SPATA16: variants seen among roughly 807,000 people sequenced by gnomAD.
SPATA16 encodes the protein spermatogenesis associated 16.
SPATA16 carries 36 observed loss-of-function variants against 63.3 expected under a neutral mutation model. That is an observed-to-expected ratio of 0.57 (90% CI 0.44 to 0.75). The LOEUF is 0.75. Among genes scored for constraint, SPATA16 ranks in the 30% least tolerant of loss-of-function variants. The pLI is 0.00. For missense variants in SPATA16, 646 were observed against 679.3 expected (o/e 0.95, Z 0.54); for synonymous variants, 203 against 216.7 (o/e 0.94, Z 0.56).
intron 4 of SPATA16, among the ~76,000 whole-genome samples, chr3:173,016,040 T>G (rs1735179428): frequency 6.6e-6 from 1 of 152,216 alleles, no homozygotes; most frequent in African/African-American, 2.4e-5. Flanking sequence ...AGGTGGCTTG[T>G]TCTTGGTAAC....
At chr3:173,041,497 A>G (rs1735839837) in intron 3 of SPATA16, among the ~76,000 whole-genome samples, 1 of 152,204 alleles carries the variant, frequency 6.6e-6, no homozygotes. Flanking sequence ...CCAAAGCAAG[A>G]CATTGTGAGG....
intron 3 of SPATA16, among the ~76,000 whole-genome samples, chr3:173,034,093 G>A (rs1038669827): frequency 2.6e-5 from 4 of 152,048 alleles, no homozygotes; most frequent in Admixed American, 1.3e-4. Flanking sequence ...TGATTCATTC[G>A]GCAATAATTT....
chr3:172,921,810 A>G (rs1307273577), intron 8 of SPATA16, among the ~76,000 whole-genome samples: 1 of 152,228 alleles, frequency 6.6e-6, no homozygotes, highest in Non-Finnish European at 1.5e-5. Context: ...GGCAGTTATC[A>G]GCCTATTTTA....
At chr3:172,982,495 C>A (rs1577117883) in intron 4 of SPATA16, among the ~76,000 whole-genome samples, 1 of 152,104 alleles carries the variant, frequency 6.6e-6, no homozygotes, top group Admixed American at 6.5e-5. Context: ...TGCTTCCCTG[C>A]AAGGAAATGT....
chr3:172,964,025 CACAA>C (rs537351949), intron 5 of SPATA16, among the ~76,000 whole-genome samples: 25 of 152,112 alleles, frequency 1.6e-4, no homozygotes, highest in Non-Finnish European at 2.8e-4. Context: ...TTGACTCTAG[CACAA>C]ACAGAGAAAC....
chr3:173,054,963 A>G (rs1405877302), intron 2 of SPATA16, among the ~76,000 whole-genome samples: 1 of 152,198 alleles, frequency 6.6e-6, no homozygotes, highest in Non-Finnish European at 1.5e-5. Flanking sequence ...AAAAACCCCA[A>G]AATAATCTAA....
chr3:173,104,991 T>A (rs1157822620), intron 2 of SPATA16, among the ~76,000 whole-genome samples: 1 of 152,208 alleles, frequency 6.6e-6, no homozygotes, highest in Non-Finnish European at 1.5e-5. Flanking sequence ...TTAATTTTGC[T>A]TCTGGAAGTT....
At chr3:172,890,378 AG>A (rs1299561597) in intron 10 of SPATA16, among the ~76,000 whole-genome samples, 1 of 152,194 alleles carries the variant, frequency 6.6e-6, no homozygotes, top group South Asian at 2.1e-4. Context: ...ATAGAATAAA[AG>A]TTTACACATA....
chr3:172,911,513 T>A (rs1192075391), intron 10 of SPATA16, among the ~76,000 whole-genome samples: 3 of 152,258 alleles, frequency 2.0e-5, no homozygotes. Context: ...CTTCTTCAGT[T>A]ACCTAATTAA....
intron 3 of SPATA16, among the ~76,000 whole-genome samples, chr3:173,035,500 G>A (rs1735697373): frequency 6.6e-6 from 1 of 152,068 alleles, no homozygotes. Context: ...CTTGGCTAAA[G>A]CAATAAATTG....
chr3:173,019,545 C>A lies in SPATA16; in HGVS notation c.789G>T (p.Arg263=). 1.2e-6 allele frequency: 2 copies of A among 1,613,998 alleles called. No homozygotes were observed. Among genetic ancestry groups the A allele is most frequent in the South Asian group, 1.1e-5 (1 of 91,068 alleles). ...ACACTGTTGCTTGACGAAGATGATTCCGGAAATAGGCTGGGTTTAAAACAA... is the reference window on the plus strand; with the variant it reads ...ACACTGTTGCTTGACGAAGATGATTACGGAAATAGGCTGGGTTTAAAACAA... ...RSIVLNPAYF[R]NHLRQATVFR... is the part of the protein sequence containing the mutation. The change falls in exon 4 of 11, where the codon CGG becomes CGT. Residue 263 remains arginine (R), a synonymous_variant. Coordinates refer to ENST00000351008, the MANE Select transcript of SPATA16 (RefSeq NM_031955.6).
At chr3:172,976,865 G>A in intron 5 of SPATA16, 103 bp downstream of exon 5, 2 of 885,106 alleles carry the variant, frequency 2.3e-6, no homozygotes, top group Non-Finnish European at 3.7e-6. Flanking sequence ...TGATTGATAT[G>A]CCCAGAGCTA....
chr3:173,097,785 T>C (rs1737393925), intron 2 of SPATA16, among the ~76,000 whole-genome samples: 1 of 152,214 alleles, frequency 6.6e-6, no homozygotes, highest in Non-Finnish European at 1.5e-5. Flanking sequence ...TTGCTCTACT[T>C]CCAGCAGAGT....
At chr3:173,059,507 GCTTTA>G (rs1434417565) in intron 2 of SPATA16, among the ~76,000 whole-genome samples, 5 of 150,678 alleles carry the variant, frequency 3.3e-5, no homozygotes, top group Admixed American at 2.6e-4. Flanking sequence ...ATGCTTCTTT[GCTTTA>G]CTTAGGAAAA....
intron 4 of SPATA16, among the ~76,000 whole-genome samples, chr3:173,005,716 G>GT (rs1206940983): frequency 6.6e-6 from 1 of 152,120 alleles, no homozygotes; most frequent in African/African-American, 2.4e-5. Flanking sequence ...GTCAATCAAT[G>GT]TTTGTTTTTC....
intron 6 of SPATA16, among the ~76,000 whole-genome samples, chr3:172,936,844 A>G (rs951553303): frequency 1.8e-4 from 27 of 152,078 alleles, no homozygotes; most frequent in Non-Finnish European, 3.5e-4. Context: ...GGTAGCTGGG[A>G]CTACAGGCAT....
chr3:173,071,544 T>G (rs1736674261), intron 2 of SPATA16, among the ~76,000 whole-genome samples: 1 of 152,034 alleles, frequency 6.6e-6, no homozygotes, highest in Non-Finnish European at 1.5e-5. Context: ...GGAGAAAATA[T>G]TTGCAGACTA....
At chr3:172,966,427 G>T (rs914751428) in intron 5 of SPATA16, among the ~76,000 whole-genome samples, 3 of 152,144 alleles carry the variant, frequency 2.0e-5, no homozygotes, top group African/African-American at 7.2e-5. Flanking sequence ...GGAAGTTATT[G>T]TTCCTCATAG....
intron 4 of SPATA16, among the ~76,000 whole-genome samples, chr3:173,007,900 C>T (rs1443103847): frequency 6.6e-6 from 1 of 151,628 alleles, no homozygotes; most frequent in Non-Finnish European, 1.5e-5. Context: ...TAAGCTTTTA[C>T]AACATTTAGG....
Sources: allele counts gnomAD v4.1 joint callset (sites outside exome capture counted in the v4.1 genomes callset), GRCh38; gene constraint gnomAD v4.1.1; transcripts MANE v1.5; gene names NCBI Gene and HGNC (gene_info 2026-07-23, HGNC 2026-07-21).